The following NBEAL1 variants were observed in gnomAD, a reference collection of about 807,000 sequenced individuals.
NBEAL1 encodes neurobeachin like 1, also known as neurobeachin-like protein 1.
In NBEAL1, 273 loss-of-function variants were observed where a neutral mutation model predicts 351.3. That is an observed-to-expected ratio of 0.78 (90% CI 0.70 to 0.86). The LOEUF is 0.86. Ranked by LOEUF, NBEAL1 falls within the 40% of genes least tolerant of loss-of-function variation. NBEAL1 has a pLI of 0.00. For synonymous variants in NBEAL1, 1,050 were observed against 1,086.4 expected, an observed-to-expected ratio of 0.97 and a Z score of 0.66; for missense variants, 2,961 against 3,201.3, an observed-to-expected ratio of 0.92 and a Z score of 1.81.
chr2:203,149,909 G>A (rs2063605962), intron 34 of NBEAL1, among the ~76,000 whole-genome samples: 1 of 151,990 alleles, frequency 6.6e-6, no homozygotes, highest in Non-Finnish European at 1.5e-5. Context: ...TCCTTTTTAT[G>A]GCTGAATAGT....
chr2:203,136,456 C>A, intron 28 of NBEAL1, 143 bp from the exon 29 acceptor site: 1 of 750,746 alleles, frequency 1.3e-6, no homozygotes, highest in Non-Finnish European at 2.1e-6. Flanking sequence ...TCTTATGTCT[C>A]TAGGGCCTAG....
chr2:203,118,452 A>T (rs2062749024), intron 18 of NBEAL1, among the ~76,000 whole-genome samples: 1 of 152,172 alleles, frequency 6.6e-6, no homozygotes, highest in Non-Finnish European at 1.5e-5. Context: ...TGTTTGTTTA[A>T]TACATCTTAT....
chr2:203,048,479 G>A lies in NBEAL1; in HGVS notation c.144-1335G>A, dbSNP rs546452215. Reference sequence around the variant, plus strand: ...TTATTTAAGCCACTGATTTTTGATGGGGAGGGAGGGAGGTATTCTCTGGTT... The same window carrying A: ...TTATTTAAGCCACTGATTTTTGATGAGGAGGGAGGGAGGTATTCTCTGGTT... On this transcript the variant is annotated intron_variant, in intron 3 of 55. Coordinates refer to ENST00000683969, the MANE Select transcript of NBEAL1 (RefSeq NM_001378026.1). Among the ~76,000 whole-genome samples the A allele has an allele frequency of 2.0e-5, 3 of 152,220 alleles. No homozygotes were observed. The South Asian group carries it at 6.2e-4, about 32-fold the overall frequency.
intron 1 of NBEAL1, among the ~76,000 whole-genome samples, chr2:203,015,343 G>A (rs2105979209): frequency 6.6e-6 from 1 of 152,266 alleles, no homozygotes; most frequent in East Asian, 1.9e-4. Flanking sequence ...TGGAAAGGTG[G>A]AGAGGCCAGG....
chr2:203,194,019 A>G, intron 47 of NBEAL1, 108 bp downstream of exon 47: 2 of 570,900 alleles, frequency 3.5e-6, no homozygotes, highest in Non-Finnish European at 5.9e-6. Flanking sequence ...TTAATTCAAG[A>G]TAGTAAATTA....
At chr2:203,200,815 C>G (rs988545359) in intron 49 of NBEAL1, among the ~76,000 whole-genome samples, 1 of 152,232 alleles carries the variant, frequency 6.6e-6, no homozygotes, top group Non-Finnish European at 1.5e-5. Context: ...TTGTCTTCCT[C>G]AACTAGAATA....
intron 36 of NBEAL1, among the ~76,000 whole-genome samples, chr2:203,161,893 C>T (rs2106382070): frequency 6.6e-6 from 1 of 152,002 alleles, no homozygotes; most frequent in East Asian, 1.9e-4. Context: ...ACCCCTTGAT[C>T]CAGTAAGACT....
At chr2:203,125,055 A>C (rs775233554) in intron 19 of NBEAL1, among the ~76,000 whole-genome samples, 7 of 152,058 alleles carry the variant, frequency 4.6e-5, no homozygotes, top group Non-Finnish European at 8.8e-5. Flanking sequence ...TTGGAGTTAC[A>C]TTATAAAGTC....
At chr2:203,212,180 A>C (rs2065805721) in intron 54 of NBEAL1, among the ~76,000 whole-genome samples, 1 of 151,818 alleles carries the variant, frequency 6.6e-6, no homozygotes, top group Non-Finnish European at 1.5e-5. Flanking sequence ...GAGCCACTGC[A>C]CCTGGCCCGA....
intron 4 of NBEAL1, 83 bp downstream of exon 4, chr2:203,050,058 A>G: frequency 1.6e-6 from 2 of 1,285,322 alleles, no homozygotes; most frequent in Non-Finnish European, 1.1e-6. Flanking sequence ...GGAGGGGAAC[A>G]TCACACACTG....
intron 15 of NBEAL1, among the ~76,000 whole-genome samples, chr2:203,110,842 T>G (rs1437700143): frequency 9.2e-5 from 13 of 141,238 alleles, no homozygotes; most frequent in Non-Finnish European, 3.0e-5. Flanking sequence ...CTTAACTCAC[T>G]GCAACCTCTG....
intron 39 of NBEAL1, 66 bp from the exon 40 acceptor site, chr2:203,171,862 T>A: frequency 2.6e-6 from 2 of 755,260 alleles, no homozygotes; most frequent in Admixed American, 2.7e-5. Context: ...CTGTCAGTAA[T>A]AGCTACCAAT....
At chr2:203,177,860 A>T (rs2064560327) in intron 42 of NBEAL1, among the ~76,000 whole-genome samples, 1 of 151,924 alleles carries the variant, frequency 6.6e-6, no homozygotes, top group African/African-American at 2.4e-5. Flanking sequence ...CTCTACTAAA[A>T]ATACAAAAAT....
chr2:203,164,166 A>G (rs768637708), intron 36 of NBEAL1, among the ~76,000 whole-genome samples: 1 of 151,816 alleles, frequency 6.6e-6, no homozygotes, highest in Admixed American at 6.6e-5. Flanking sequence ...TGGCATGTCA[A>G]ATAAAACTTT....
chr2:203,086,894 G>A (rs1450491514), intron 10 of NBEAL1, among the ~76,000 whole-genome samples: 1 of 151,906 alleles, frequency 6.6e-6, no homozygotes, highest in Non-Finnish European at 1.5e-5. Context: ...GTTTCTCAAA[G>A]GAGGAACTTG....
intron 31 of NBEAL1, among the ~76,000 whole-genome samples, chr2:203,141,939 G>T (rs1402218317): frequency 6.6e-6 from 1 of 152,074 alleles, no homozygotes; most frequent in Non-Finnish European, 1.5e-5. Flanking sequence ...AGATTTCCCA[G>T]CTTCTTTCAA....
chr2:203,163,096 G>T (rs934286223), intron 36 of NBEAL1, among the ~76,000 whole-genome samples: 10 of 152,350 alleles, frequency 6.6e-5, no homozygotes, highest in African/African-American at 2.4e-4. Flanking sequence ...GAAAGAGGTT[G>T]CAGTGAGCTG....
intron 8 of NBEAL1, among the ~76,000 whole-genome samples, chr2:203,078,386 C>G (rs1266647379): frequency 1.3e-5 from 2 of 152,106 alleles, no homozygotes; most frequent in Non-Finnish European, 2.9e-5. Context: ...GTTTCCCAGG[C>G]TGGAGTGCAG....
intron 16 of NBEAL1, 98 bp from the exon 17 acceptor site, chr2:203,112,917 A>G: frequency 8.8e-7 from 1 of 1,130,724 alleles, no homozygotes; most frequent in Non-Finnish European, 1.2e-6. Flanking sequence ...CAATGTATTT[A>G]TTTGTGTAAT....
Sources: gnomAD v4.1 joint callset for allele counts (sites outside exome capture counted in the v4.1 genomes callset) on GRCh38, gnomAD v4.1.1 for gene constraint, MANE v1.5 for transcripts, NCBI Gene and HGNC (gene_info 2026-07-23, HGNC 2026-07-21) for gene names.